APMAP: variants seen among roughly 807,000 people sequenced by gnomAD.
The protein encoded by APMAP is adipocyte plasma membrane associated protein.
APMAP carries 33 observed loss-of-function variants against 43.6 expected under a neutral mutation model. The ratio of observed to expected loss-of-function variants is 0.76; its 90% confidence interval spans 0.57 to 1.01. The LOEUF is 1.01. Among genes scored for constraint, APMAP ranks in the 50% least tolerant of loss-of-function variants. APMAP has a pLI of 0.00. For synonymous variants in APMAP, 224 were observed against 216.7 expected, an observed-to-expected ratio of 1.03 and a Z score of -0.30; for missense variants, 498 against 540.7, an observed-to-expected ratio of 0.92 and a Z score of 0.78.
intron 1 of APMAP, among the ~76,000 whole-genome samples, chr20:24,992,054 G>A (rs1399647823): frequency 6.6e-6 from 1 of 152,212 alleles, no homozygotes; most frequent in South Asian, 2.1e-4. Context: ...GTCACGCAGC[G>A]TGAGGGGGGC....
At chr20:24,964,891 C>A (rs11907280) in intron 8 of APMAP, among the ~76,000 whole-genome samples, 1 of 152,230 alleles carries the variant, frequency 6.6e-6, no homozygotes, top group East Asian at 1.9e-4. Context: ...GGTTCAACAG[C>A]GATAGATCAA....
rs752605375 is a variant in APMAP at position 24,970,178 on chromosome 20, A to C, written c.713+19T>G. 3.7e-6 allele frequency: 6 copies of C among 1,613,624 alleles called. No homozygotes were observed. Among genetic ancestry groups the C allele is most frequent in the Non-Finnish European group, 5.1e-6 (6 of 1,179,674 alleles). On this transcript the variant is annotated intron_variant, in intron 6 of 8. Transcript: ENST00000217456. Reference sequence around the variant, plus strand: ...GGCTGGTGAACTCAACAAATGGGAGACCTGGAGCAAGGCCTCACCGCCCGT... The same window carrying C: ...GGCTGGTGAACTCAACAAATGGGAGCCCTGGAGCAAGGCCTCACCGCCCGT...
chr20:24,985,278 A>C (rs2088137990), intron 1 of APMAP, among the ~76,000 whole-genome samples: 1 of 152,236 alleles, frequency 6.6e-6, no homozygotes. Context: ...AGCAGAAAAG[A>C]AAAGAAATCC....
chr20:24,979,914 T>G (rs752740367), intron 2 of APMAP, among the ~76,000 whole-genome samples: 36 of 152,138 alleles, frequency 2.4e-4, no homozygotes, highest in Non-Finnish European at 2.6e-4. Flanking sequence ...TTTGCTCCAC[T>G]TGGAACAGCA....
chr20:24,975,135 CT>C (rs1254565330), intron 3 of APMAP, among the ~76,000 whole-genome samples: 4 of 152,134 alleles, frequency 2.6e-5, no homozygotes, highest in African/African-American at 9.7e-5. Flanking sequence ...AAAGATGCCC[CT>C]ATCACCACTC....
intron 3 of APMAP, among the ~76,000 whole-genome samples, chr20:24,975,778 A>G (rs1345244848): frequency 1.3e-5 from 2 of 152,256 alleles, no homozygotes; most frequent in Non-Finnish European, 2.9e-5. Context: ...AAGATTCTCT[A>G]TAAAGCTACA....
chr20:24,969,657 C>G lies in APMAP; in HGVS notation c.717G>C (p.Leu239=), dbSNP rs147481549. ...CCCTGGTCACAGTATCATACTCCAGCAGGCTGTGGAACACCAAAAGCAGAG... is the reference window on the plus strand; with the variant it reads ...CCCTGGTCACAGTATCATACTCCAGGAGGCTGTGGAACACCAAAAGCAGAG... The part of the protein sequence containing the change: ...LVMEGTDDGR[L]LEYDTVTREV... Residue 239 remains leucine, a synonymous_variant, in exon 7 of 9, where the codon CTG becomes CTC. Coordinates refer to ENST00000217456, the MANE Select transcript of APMAP (RefSeq NM_020531.3). 145 of 1,611,242 alleles carry G rather than the reference C, an allele frequency of 9.0e-5. No homozygotes were observed. The African/African-American group carries it at 1.8e-3, about 20-fold the overall frequency.
chr20:24,979,030 T>C, intron 2 of APMAP, 148 bp from the exon 3 acceptor site: 1 of 621,714 alleles, frequency 1.6e-6, no homozygotes, highest in Non-Finnish European at 2.9e-6. Context: ...AAGAAAAAAC[T>C]GTTCTAGGAT....
intron 4 of APMAP, among the ~76,000 whole-genome samples, chr20:24,973,072 C>T (rs1391706581): frequency 6.6e-6 from 1 of 152,116 alleles, no homozygotes; most frequent in Non-Finnish European, 1.5e-5. Context: ...TCCTTTGTAC[C>T]TTTGTGTTGT....
intron 2 of APMAP, among the ~76,000 whole-genome samples, chr20:24,983,370 G>A (rs566092928): frequency 3.3e-5 from 5 of 152,164 alleles, no homozygotes; most frequent in Non-Finnish European, 5.9e-5. Flanking sequence ...GTCATAGATC[G>A]TCACACTGAT....
intron 8 of APMAP, among the ~76,000 whole-genome samples, chr20:24,968,152 C>T (rs2087962095): frequency 6.6e-6 from 1 of 152,248 alleles, no homozygotes; most frequent in Non-Finnish European, 1.5e-5. Context: ...CCCACATCAG[C>T]AAGTGACCCC....
At chr20:24,969,732 G>A (rs1191590394) in intron 6 of APMAP, 72 bp from the exon 7 acceptor site, 1 of 1,531,586 alleles carries the variant, frequency 6.5e-7, no homozygotes, top group Non-Finnish European at 8.8e-7. Context: ...CAGGGTATGG[G>A]CCTGAAGAAG....
chr20:24,966,260 G>A (rs905239345), intron 8 of APMAP, among the ~76,000 whole-genome samples: 4 of 152,192 alleles, frequency 2.6e-5, no homozygotes, highest in African/African-American at 9.7e-5. Context: ...GCTCCTCCTG[G>A]CCACAGATGG....
At chr20:24,989,112 T>C (rs2122533906) in intron 1 of APMAP, among the ~76,000 whole-genome samples, 1 of 152,222 alleles carries the variant, frequency 6.6e-6, no homozygotes, top group East Asian at 1.9e-4. Flanking sequence ...TCTTACTCTT[T>C]TTTTAACTTA....
intron 4 of APMAP, 52 bp from the exon 5 acceptor site, chr20:24,971,628 G>T: frequency 1.4e-6 from 2 of 1,408,276 alleles, no homozygotes; most frequent in Non-Finnish European, 2.0e-6. Context: ...TTCTACATGT[G>T]CTGTTCTCAG....
intron 8 of APMAP, among the ~76,000 whole-genome samples, chr20:24,967,956 C>T (rs1447199516): frequency 2.0e-5 from 3 of 152,230 alleles, no homozygotes; most frequent in Middle Eastern, 3.2e-3. Flanking sequence ...AGAATGTGCA[C>T]GCAGCCCCCA....
rs1458694193 is a variant in APMAP at position 24,969,671 on chromosome 20, C to A, written c.714-11G>T. 2 of 1,606,570 alleles carry A rather than the reference C, an allele frequency of 1.2e-6. No homozygotes were observed. The highest frequency in any genetic ancestry group is 1.7e-6 in the Non-Finnish European group (2 of 1,174,450). ...TCATACTCCAGCAGGCTGTGGAACA[C>A]CAAAAGCAGAGGGTTATGGGGGAGA... On this transcript the variant is annotated splice_polypyrimidine_tract_variant and intron_variant, in intron 6 of 8. Coordinates refer to ENST00000217456, the MANE Select transcript of APMAP (RefSeq NM_020531.3).
At chr20:24,968,140 T>C (rs953525762) in intron 8 of APMAP, among the ~76,000 whole-genome samples, 1 of 152,242 alleles carries the variant, frequency 6.6e-6, no homozygotes, top group Non-Finnish European at 1.5e-5. Context: ...ATTACACAAG[T>C]GCCCACATCA....
chr20:24,978,378 A>G (rs1300196589), intron 3 of APMAP, among the ~76,000 whole-genome samples: 1 of 152,264 alleles, frequency 6.6e-6, no homozygotes, highest in Non-Finnish European at 1.5e-5. Context: ...TGTCTTCATC[A>G]CAGTGAAATC....
Sources: gnomAD v4.1 joint callset for allele counts (sites outside exome capture counted in the v4.1 genomes callset) on GRCh38, gnomAD v4.1.1 for gene constraint, MANE v1.5 for transcripts, NCBI Gene and HGNC (gene_info 2026-07-23, HGNC 2026-07-21) for gene names.